Variants in NGEF observed in about 807,000 individuals in gnomAD.
NGEF encodes the protein neuronal guanine nucleotide exchange factor.
In NGEF, 31 loss-of-function variants were observed where a neutral mutation model predicts 80.9. That is an observed-to-expected ratio of 0.38 (90% confidence interval 0.29 to 0.52). The LOEUF is 0.52. Ranked by LOEUF, NGEF falls within the 20% of genes least tolerant of loss-of-function variation. NGEF has a pLI of 0.84. For synonymous variants in NGEF, 371 were observed against 370.2 expected (o/e 1.00, Z -0.03); for missense variants, 709 against 926.2 (o/e 0.77, Z 3.04).
At chr2:232,888,657 T>TCTATACAG (rs1378394717) in intron 8 of NGEF, among the ~76,000 whole-genome samples, 80 of 152,354 alleles carry the variant, frequency 5.3e-4, no homozygotes, top group African/African-American at 1.9e-3. Context: ...CAGTGAGGAC[T>TCTATACAG]GTCACGCTTA....
At chr2:232,925,943 C>T (rs1384319140) in intron 4 of NGEF, among the ~76,000 whole-genome samples, 1 of 152,172 alleles carries the variant, frequency 6.6e-6, no homozygotes, top group African/African-American at 2.4e-5. Flanking sequence ...GTCAGCGCGG[C>T]TTAACAGCAT....
chr2:232,968,392 C>T (rs1465034930), intron 3 of NGEF, among the ~76,000 whole-genome samples: 2 of 150,812 alleles, frequency 1.3e-5, no homozygotes, highest in Admixed American at 1.3e-4. Context: ...CTGGCCCAGA[C>T]CTGGCTTTTA....
At position 232,880,907 on chromosome 2, in the gene NGEF, G is replaced by A. The variant is rs1026895715; in HGVS notation, c.1942+239C>T. ...CTGGGCCCACTGCGAAGGAGGAAAGGTGGGGTCTCCCGGCTCTAGGGGAGG... is the reference window on the plus strand; with the variant it reads ...CTGGGCCCACTGCGAAGGAGGAAAGATGGGGTCTCCCGGCTCTAGGGGAGG... On this transcript the variant is annotated intron_variant, in intron 14 of 14. Transcript: ENST00000264051. Among the ~76,000 whole-genome samples the A allele has an allele frequency of 9.8e-5, 15 of 152,340 alleles. No individual in the cohort carries two copies. In the East Asian group the frequency reaches 2.1e-3, roughly 22 times the overall value.
At chr2:232,931,737 A>C (rs564340600) in intron 3 of NGEF, among the ~76,000 whole-genome samples, 1 of 152,322 alleles carries the variant, frequency 6.6e-6, no homozygotes, top group Admixed American at 6.5e-5. Context: ...GACAAAATGA[A>C]GGAAGGAAGA....
intron 1 of NGEF, among the ~76,000 whole-genome samples, chr2:232,983,111 C>T (rs774696616): frequency 6.6e-6 from 1 of 152,046 alleles, no homozygotes; most frequent in African/African-American, 2.4e-5. Context: ...GTGTTCTGAG[C>T]GTGAACAAAG....
intron 3 of NGEF, among the ~76,000 whole-genome samples, chr2:232,942,861 T>TTTTCCGG (rs58390600): frequency 0.18 from 25,843 of 145,500 alleles, 2,630 homozygotes; most frequent in Non-Finnish European, 0.22. Context: ...AGTACCATTA[T>TTTTCCGG]TTTCCGGGGG....
rs1438618546 is a variant in NGEF, at chr2:232,920,326, C to G, written c.786G>C (p.Gly262=). The G allele has an allele frequency of 6.2e-7, 1 of 1,614,146 alleles. No individual in the cohort carries two copies. Among genetic ancestry groups the G allele is most frequent in the South Asian group, 1.1e-5 (1 of 91,062 alleles). The part of the protein sequence containing the change: ...WQDLPEIRSS[G]VLEILQPEEI... ...CCTCGGGCTGTAGGATCTCAAGCAC[C>G]CCGCTGCTCCGGATCTCGGGAAGAT... Residue 262 remains glycine, a synonymous_variant, in exon 5 of 15, where the codon GGG becomes GGC. Transcript: ENST00000264051.
rs752687283 is a variant in NGEF, at chr2:232,892,917, G to A, written c.1123C>T (p.Arg375Trp). The change falls in exon 7 of 15, where the codon CGG (arginine) becomes TGG (tryptophan). Residue 375 changes from arginine to tryptophan, a missense_variant. Transcript: ENST00000264051. The surrounding 1 kb of genome is among the most constrained non-coding windows in gnomAD (Gnocchi z 4.0). ...TYVSNQTYQERTYKQLLQEKA... is the reference protein window; with the variant it reads ...TYVSNQTYQEWTYKQLLQEKA... ...ACTCACAGCAGCTGCTTATAGGTCC[G>A]CTCCTGGTAGGTCTGATTGCTGACG... The A allele has an allele frequency of 2.5e-6, 4 of 1,613,364 alleles. No homozygotes were observed. Among genetic ancestry groups the A allele is most frequent in the Non-Finnish European group, 8.5e-7 (1 of 1,179,858 alleles).
chr2:232,946,878 A>C (rs1482955571), intron 3 of NGEF, among the ~76,000 whole-genome samples: 1 of 152,240 alleles, frequency 6.6e-6, no homozygotes, highest in Non-Finnish European at 1.5e-5. Flanking sequence ...AATTAAAAAT[A>C]CAATGACCAT....
At chr2:232,894,327 T>C (rs920267055) in intron 6 of NGEF, among the ~76,000 whole-genome samples, 28 of 152,356 alleles carry the variant, frequency 1.8e-4, no homozygotes, top group African/African-American at 6.7e-4. Flanking sequence ...GCACAGGGCC[T>C]GAGGCCCTGC....
At chr2:232,995,769 T>G (rs1413811433) in intron 1 of NGEF, among the ~76,000 whole-genome samples, 1 of 146,956 alleles carries the variant, frequency 6.8e-6, no homozygotes, top group East Asian at 2.0e-4. Flanking sequence ...ATTATATGTA[T>G]TCATATACAT....
intron 3 of NGEF, among the ~76,000 whole-genome samples, chr2:232,929,244 G>T (rs919437996): frequency 6.6e-6 from 1 of 152,048 alleles, no homozygotes; most frequent in East Asian, 1.9e-4. Context: ...TTCTTCGTTG[G>T]GGGGGATGCA....
intron 4 of NGEF, 95 bp downstream of exon 4, chr2:232,926,949 G>A: frequency 5.3e-6 from 8 of 1,515,470 alleles, no homozygotes; most frequent in South Asian, 1.2e-5. Flanking sequence ...TCCTTCGTAT[G>A]AAACACAACG....
At chr2:232,978,285 G>A (rs1164230001) in intron 1 of NGEF, among the ~76,000 whole-genome samples, 5 of 152,180 alleles carry the variant, frequency 3.3e-5, no homozygotes, top group Admixed American at 2.0e-4. Flanking sequence ...AGGCTGAGGG[G>A]GGGGATCATT....
At chr2:232,977,262 G>A (rs1694314463) in intron 1 of NGEF, among the ~76,000 whole-genome samples, 1 of 152,182 alleles carries the variant, frequency 6.6e-6, no homozygotes, top group African/African-American at 2.4e-5. Flanking sequence ...GCAAGGACGG[G>A]CAGAGACTCG....
chr2:232,900,038 TCACACA>T (rs369647779), intron 5 of NGEF, among the ~76,000 whole-genome samples: 5 of 102,144 alleles, frequency 4.9e-5, no homozygotes, highest in South Asian at 3.8e-4. Context: ...TCACATTCAC[TCACACA>T]CACACGCTCT....
chr2:232,968,472 C>A (rs1694114180), intron 3 of NGEF, among the ~76,000 whole-genome samples: 1 of 151,756 alleles, frequency 6.6e-6, no homozygotes, highest in Admixed American at 6.6e-5. Flanking sequence ...ATGGCATGAT[C>A]TTGGCTTACT....
chr2:232,982,163 C>T (rs1267841768), intron 1 of NGEF, among the ~76,000 whole-genome samples: 1 of 152,140 alleles, frequency 6.6e-6, no homozygotes, highest in Non-Finnish European at 1.5e-5. Flanking sequence ...GCCTGGAGCA[C>T]AAGGGCAGCT....
chr2:232,975,215 T>G (rs1694267417), intron 1 of NGEF, among the ~76,000 whole-genome samples: 1 of 152,192 alleles, frequency 6.6e-6, no homozygotes. Flanking sequence ...TTAAAGTGGC[T>G]TGCAAAACTA....
Sources: gnomAD v4.1 joint callset for allele counts (sites outside exome capture counted in the v4.1 genomes callset) on GRCh38, gnomAD v4.1.1 for gene constraint, Gnocchi (gnomAD v3.1) non-coding constraint, MANE v1.5 for transcripts, NCBI Gene and HGNC (gene_info 2026-07-23, HGNC 2026-07-21) for gene names.